The following NTRK3 variants were observed in gnomAD, a reference collection of about 807,000 sequenced individuals.
The protein encoded by NTRK3 is NT-3 growth factor receptor.
NTRK3 carries 24 observed loss-of-function variants against 91.7 expected under a neutral mutation model. That is an observed-to-expected ratio of 0.26 (90% CI 0.19 to 0.37). NTRK3 has a LOEUF of 0.37. NTRK3 is among the 10% of genes least tolerant of loss of function. NTRK3 has a pLI of 1.00. For synonymous variants in NTRK3, 483 were observed against 404.0 expected (o/e 1.20, Z -2.34); for missense variants, 880 against 1,068.9 (o/e 0.82, Z 2.46).
intron 3 of NTRK3, among the ~76,000 whole-genome samples, chr15:88,201,625 G>A (rs1488910733): frequency 4.6e-5 from 7 of 152,168 alleles, no homozygotes; most frequent in East Asian, 1.9e-4. Flanking sequence ...CCCAATTCAC[G>A]CCATCTGGAC....
At chr15:87,924,989 C>A (rs368852114) in intron 17 of NTRK3, among the ~76,000 whole-genome samples, 91 of 152,272 alleles carry the variant, frequency 6.0e-4, no homozygotes, top group African/African-American at 2.1e-3. Flanking sequence ...GAAATCTCAA[C>A]CTTCTCCCCT....
rs553711504 is a variant in NTRK3, at chr15:88,036,459, T to A, written c.1397-3414A>T. ...AAATCAATCCACTCTAAGAACAAAATAAAAGTATTTGCAAATGTGTAAAAA... is the reference window on the plus strand; with the variant it reads ...AAATCAATCCACTCTAAGAACAAAAAAAAAGTATTTGCAAATGTGTAAAAA... On this transcript the variant is annotated intron_variant, in intron 13 of 18. Transcript: ENST00000394480. Among the ~76,000 whole-genome samples the A allele has an allele frequency of 6.0e-5, 9 of 150,340 alleles. No homozygotes were observed. The South Asian group carries it at 1.5e-3, about 25-fold the overall frequency.
chr15:88,255,856 G>C lies in NTRK3; in HGVS notation c.248+50C>G. ...CTCCCGGCCGCGGGTGGGCAGGAGG[G>C]AGACGCAGAGCGCGGGGGAGGCAGG... On this transcript the variant is annotated intron_variant, in intron 3 of 18. Coordinates refer to ENST00000394480, the Ensembl canonical transcript of NTRK3. The surrounding 1 kb of genome is among the most constrained non-coding windows in gnomAD (Gnocchi z 4.3). 2 of 1,553,818 alleles carry C rather than the reference G, an allele frequency of 1.3e-6. No homozygotes were observed. Among genetic ancestry groups the C allele is most frequent in the East Asian group, 2.4e-5 (1 of 41,942 alleles).
intron 5 of NTRK3, among the ~76,000 whole-genome samples, chr15:88,157,121 C>T (rs188867887): frequency 4.1e-4 from 62 of 152,232 alleles, no homozygotes; most frequent in African/African-American, 1.4e-3. Flanking sequence ...CCTGTGAAGC[C>T]AACTTCTACA....
At position 88,136,000 on chromosome 15, in the gene NTRK3, G is replaced by A. The variant is rs771556029; in HGVS notation, c.806C>T (p.Thr269Met). 27 of 1,614,098 alleles carry A rather than the reference G, an allele frequency of 1.7e-5. No homozygotes were observed. The highest frequency in any genetic ancestry group is 1.9e-5 in the Non-Finnish European group (23 of 1,180,046). The change falls in exon 9 of 19, where the codon ACG (threonine) becomes ATG (methionine). Residue 269 changes from threonine to methionine, a missense_variant. This residue lies in a region of NTRK3 where 743 missense variants were observed against 868.6 expected (regional missense o/e 0.86). Coordinates refer to ENST00000394480, the Ensembl canonical transcript of NTRK3. The stretch of plus-strand genomic sequence containing the variant: ...GTCCTCACTCGTCACATTCACCAGC[G>A]TCAAGTTGATGGCATGAACATTGGT...
At chr15:88,121,637 C>G (rs1295442586) in intron 13 of NTRK3, among the ~76,000 whole-genome samples, 3 of 152,176 alleles carry the variant, frequency 2.0e-5, no homozygotes, top group Non-Finnish European at 2.9e-5. Context: ...AGCCCATGCC[C>G]TGAACCCCAC....
intron 14 of NTRK3, among the ~76,000 whole-genome samples, chr15:88,015,895 A>G (rs1215236163): frequency 1.3e-5 from 2 of 151,992 alleles, no homozygotes; most frequent in Admixed American, 6.6e-5. Flanking sequence ...CTCCAATGTG[A>G]ATATAGCCTG....
chr15:88,105,734 T>G (rs563033380), intron 13 of NTRK3, among the ~76,000 whole-genome samples: 3 of 152,222 alleles, frequency 2.0e-5, no homozygotes, highest in Admixed American at 6.5e-5. Flanking sequence ...AAGCACTGCC[T>G]TTCCCCCACC....
rs138976987 is a variant in NTRK3, at chr15:88,165,930, T to C, written c.395+17488A>G. Among the ~76,000 whole-genome samples the C allele has an allele frequency of 1.6e-4, 25 of 152,316 alleles. No homozygotes were observed. In the East Asian group the frequency reaches 4.6e-3, roughly 28 times the overall value. On this transcript the variant is annotated intron_variant, in intron 5 of 18. Transcript: ENST00000394480. ...CTTGATCTCCAGCTGGGGACTTGGT[T>C]CTATACTATGCAGGTGAAAACCTTC...
chr15:88,055,702 G>A (rs1360851760), intron 13 of NTRK3, among the ~76,000 whole-genome samples: 3 of 152,070 alleles, frequency 2.0e-5, no homozygotes, highest in Non-Finnish European at 4.4e-5. Context: ...CAAACAACAT[G>A]AGAACCCAGG....
chr15:87,911,713 G>A (rs1467151702), intron 17 of NTRK3, among the ~76,000 whole-genome samples: 1 of 152,162 alleles, frequency 6.6e-6, no homozygotes, highest in Non-Finnish European at 1.5e-5. Flanking sequence ...ATCTCTGATT[G>A]TTCCAAATTA....
At chr15:88,202,331 T>C (rs368627061) in intron 3 of NTRK3, among the ~76,000 whole-genome samples, 2 of 152,322 alleles carry the variant, frequency 1.3e-5, no homozygotes, top group East Asian at 3.9e-4. Context: ...TCTCCTGGCC[T>C]TTCCCTTCAA....
rs547853543 is a variant in NTRK3, at chr15:87,992,622, G to C, written c.1585+40235C>G. On this transcript the variant is annotated intron_variant, in intron 14 of 18. Transcript: ENST00000394480. Reference sequence around the variant, plus strand: ...TTCACTTGCCCAGGCAATGAGCAAAGTGCTGTGCATGGATTTTCTAATCTG... The same window carrying C: ...TTCACTTGCCCAGGCAATGAGCAAACTGCTGTGCATGGATTTTCTAATCTG... Among the ~76,000 whole-genome samples, 4 of 152,368 alleles carry C rather than the reference G, an allele frequency of 2.6e-5. No individual in the cohort carries two copies. In the South Asian group the frequency reaches 6.2e-4, roughly 24 times the overall value.
intron 14 of NTRK3, among the ~76,000 whole-genome samples, chr15:88,020,453 A>C (rs183310353): frequency 6.6e-6 from 1 of 152,142 alleles, no homozygotes; most frequent in African/African-American, 2.4e-5. Context: ...GCTGGAGGGG[A>C]TTCTTTTTTC....
At chr15:88,047,503 C>A (rs1012464853) in intron 13 of NTRK3, among the ~76,000 whole-genome samples, 3 of 152,150 alleles carry the variant, frequency 2.0e-5, no homozygotes, top group Non-Finnish European at 4.4e-5. Context: ...TGACTTCTCA[C>A]AATCAGTTTA....
chr15:87,911,174 G>A lies in NTRK3; in HGVS notation c.2133+18017C>T, dbSNP rs182197505. On this transcript the variant is annotated intron_variant, in intron 17 of 18. Coordinates refer to ENST00000394480, the Ensembl canonical transcript of NTRK3. ...AGACAGGGCAAGTGACAGGTATTGA[G>A]GTATGAGCGAAGTGGGAAAGGATTC... Among the ~76,000 whole-genome samples, 71 of 152,268 alleles carry A rather than the reference G, an allele frequency of 4.7e-4. 1 individual carries two copies. The highest frequency in any genetic ancestry group is 1.7e-3 in the African/African-American group (71 of 41,554).
At chr15:88,162,748 G>A (rs1428931296) in intron 5 of NTRK3, among the ~76,000 whole-genome samples, 2 of 152,302 alleles carry the variant, frequency 1.3e-5, no homozygotes, top group East Asian at 1.9e-4. Flanking sequence ...TGGATGGGGA[G>A]GCAGATGGGC....
chr15:88,209,157 T>C (rs1399574472), intron 3 of NTRK3, among the ~76,000 whole-genome samples: 1 of 152,092 alleles, frequency 6.6e-6, no homozygotes, highest in African/African-American at 2.4e-5. Flanking sequence ...AAGAAGACAG[T>C]GACGAAGAGG....
At chr15:87,865,007 A>G (rs2064625710) in exon 19 of NTRK3, 2 of 215,814 alleles carry the variant, frequency 9.3e-6, no homozygotes, top group Non-Finnish European at 1.9e-5. Context: ...GCTTTTCTAC[A>G]CAAGAAAAAC....
Sources: gnomAD v4.1 joint callset for allele counts (sites outside exome capture counted in the v4.1 genomes callset) on GRCh38, gnomAD v4.1.1 for gene constraint, gnomAD v4.1.1 regional missense constraint, Gnocchi (gnomAD v3.1) non-coding constraint, MANE v1.5 for transcripts, NCBI Gene and HGNC (gene_info 2026-07-23, HGNC 2026-07-21) for gene names.